PRDM5: variants seen among roughly 807,000 people sequenced by gnomAD.
PRDM5 encodes PR domain zinc finger protein 5.
Under a neutral mutation model 81.2 loss-of-function variants are expected in PRDM5, and 56 were observed. The ratio of observed to expected loss-of-function variants is 0.69; its 90% CI spans 0.56 to 0.86. The LOEUF is 0.86. Among genes scored for constraint, PRDM5 ranks in the 40% least tolerant of loss-of-function variants. The pLI, the probability that PRDM5 is intolerant of heterozygous loss-of-function variation, is 0.00. For missense variants in PRDM5, 697 were observed against 770.1 expected (o/e 0.91, Z 1.12); for synonymous variants, 267 against 256.4 (o/e 1.04, Z -0.39).
chr4:120,715,718 C>T (rs1047074025), intron 14 of PRDM5, among the ~76,000 whole-genome samples: 9 of 152,106 alleles, frequency 5.9e-5, no homozygotes, highest in African/African-American at 2.2e-4. Flanking sequence ...AAAGCTTAAT[C>T]CCTACACTTT....
intron 14 of PRDM5, among the ~76,000 whole-genome samples, chr4:120,722,057 G>A (rs1738692093): frequency 6.6e-6 from 1 of 152,182 alleles, no homozygotes; most frequent in South Asian, 2.1e-4. Flanking sequence ...CACTGCCCCT[G>A]AAGGCAAGGG....
At chr4:120,740,701 T>A (rs149600499) in intron 14 of PRDM5, among the ~76,000 whole-genome samples, 15 of 152,270 alleles carry the variant, frequency 9.9e-5, no homozygotes, top group African/African-American at 3.6e-4. Context: ...CTCACCTGGC[T>A]CCATCGTGTC....
At chr4:120,753,722 A>G (rs1744322082) in intron 14 of PRDM5, among the ~76,000 whole-genome samples, 1 of 152,204 alleles carries the variant, frequency 6.6e-6, no homozygotes, top group African/African-American at 2.4e-5. Context: ...AAAATACATC[A>G]TTTACATACA....
chr4:120,787,303 G>A (rs540622249), intron 10 of PRDM5, among the ~76,000 whole-genome samples: 30 of 152,150 alleles, frequency 2.0e-4, no homozygotes, highest in Non-Finnish European at 4.0e-4. Flanking sequence ...GAGAAGTGGA[G>A]AGATGCAGTC....
At chr4:120,893,782 T>C (rs1245833458) in intron 2 of PRDM5, among the ~76,000 whole-genome samples, 1 of 152,240 alleles carries the variant, frequency 6.6e-6, no homozygotes, top group East Asian at 1.9e-4. Flanking sequence ...TCGAATGTAT[T>C]GACCCTCTTT....
At chr4:120,891,788 C>T (rs1334384993) in intron 2 of PRDM5, among the ~76,000 whole-genome samples, 1 of 152,078 alleles carries the variant, frequency 6.6e-6, no homozygotes, top group African/African-American at 2.4e-5. Context: ...CACCACCATG[C>T]CCAGCTAATT....
chr4:120,757,539 G>A (rs574992720), intron 13 of PRDM5, among the ~76,000 whole-genome samples: 1 of 152,244 alleles, frequency 6.6e-6, no homozygotes, highest in Non-Finnish European at 1.5e-5. Context: ...ATTATTTCTG[G>A]GTCTGTGAGG....
chr4:120,777,247 T>G lies in PRDM5; in HGVS notation c.1478A>C (p.Tyr493Ser). 6.2e-7 allele frequency: 1 copy of G among 1,613,442 alleles called. No individual in the cohort carries two copies. ...ACTGCTGGCAAATTTCTGGCCACAA[T>G]ATGGACAGATTTTCTCCTTTTCTCC... ...HTGEKEKICP[Y>S]CGQKFASSGT... The change falls in exon 13 of 16, where the codon TAT (tyrosine) becomes TCT (serine). Residue 493 changes from tyrosine to serine, a missense_variant. Coordinates refer to ENST00000264808, the MANE Select transcript of PRDM5 (RefSeq NM_018699.4).
chr4:120,733,069 GA>G lies in PRDM5; in HGVS notation c.1623+21483del, dbSNP rs566195024. ...ACAAGACCATTTGTGTGATATAAAA[GA>G]AAAAAGATATGAAAGAAAAATAGGT... is the stretch of plus-strand genomic sequence containing the variant. On this transcript the variant is annotated intron_variant, in intron 14 of 15. Transcript: ENST00000264808. Among the ~76,000 whole-genome samples the G allele has an allele frequency of 1.3e-3, 194 of 152,168 alleles. 1 individual carries two copies. The highest frequency in any genetic ancestry group is 4.5e-3 in the African/African-American group (188 of 41,496).
At chr4:120,843,527 A>AC (rs1758295720) in intron 3 of PRDM5, among the ~76,000 whole-genome samples, 1 of 151,800 alleles carries the variant, frequency 6.6e-6, no homozygotes, top group African/African-American at 2.4e-5. Flanking sequence ...ACAATGCAAG[A>AC]CCCCATCTCT....
chr4:120,817,400 AAAT>A (rs1754672817), intron 5 of PRDM5, among the ~76,000 whole-genome samples: 1 of 152,190 alleles, frequency 6.6e-6, no homozygotes, highest in South Asian at 2.1e-4. Flanking sequence ...AAAAATGTAA[AAAT>A]GTAACATTAA....
chr4:120,922,009 G>A (rs1724993939), intron 1 of PRDM5, among the ~76,000 whole-genome samples: 1 of 152,218 alleles, frequency 6.6e-6, no homozygotes, highest in African/African-American at 2.4e-5. Context: ...TGCGTGGAGC[G>A]GCGCTCTGGG....
Position 120,904,587 on chromosome 4 carries a change from G to C in PRDM5, c.177+2887C>G, listed in dbSNP as rs1025946666. Among the ~76,000 whole-genome samples, 27 of 152,304 alleles carry C rather than the reference G, an allele frequency of 1.8e-4. 1 individual carries two copies. Among genetic ancestry groups the C allele is most frequent in the Admixed American group, 1.3e-3 (20 of 15,290 alleles). On this transcript the variant is annotated intron_variant, in intron 2 of 15. Transcript: ENST00000264808. ...TATAAAATCAATAGCTCCTTGGGTA[G>C]CAGAGTGAGAGAGCTGGAGACAACT...
chr4:120,911,019 C>T (rs369968082), intron 1 of PRDM5, among the ~76,000 whole-genome samples: 1 of 152,304 alleles, frequency 6.6e-6, no homozygotes, highest in African/African-American at 2.4e-5. Context: ...TTTGCAAGAA[C>T]TTTCCTAGAC....
intron 15 of PRDM5, among the ~76,000 whole-genome samples, chr4:120,697,031 C>T (rs150616327): frequency 6.6e-6 from 1 of 152,130 alleles, no homozygotes; most frequent in East Asian, 1.9e-4. Context: ...AGGAAACATG[C>T]AACAGCATAG....
chr4:120,852,370 T>C (rs1318799552), intron 3 of PRDM5, among the ~76,000 whole-genome samples: 1 of 152,142 alleles, frequency 6.6e-6, no homozygotes, highest in Non-Finnish European at 1.5e-5. Flanking sequence ...ATCAGGAGAC[T>C]TGAATAAAGT....
chr4:120,821,930 G>A (rs1279532641), intron 3 of PRDM5, among the ~76,000 whole-genome samples: 11 of 141,688 alleles, frequency 7.8e-5, no homozygotes, highest in Non-Finnish European at 3.0e-5. Context: ...CCACAGAAAT[G>A]ACAGACACGA....
At chr4:120,756,485 TA>T (rs1179891163) in intron 13 of PRDM5, among the ~76,000 whole-genome samples, 1 of 152,196 alleles carries the variant, frequency 6.6e-6, no homozygotes, top group East Asian at 1.9e-4. Context: ...CTGATATATC[TA>T]GAATTTTTCT....
At chr4:120,782,262 C>A (rs1405060874) in intron 11 of PRDM5, among the ~76,000 whole-genome samples, 1 of 152,060 alleles carries the variant, frequency 6.6e-6, no homozygotes, top group Admixed American at 6.6e-5. Context: ...AGAAAACAAT[C>A]ATATTAACAT....
Sources: gnomAD v4.1 joint callset for allele counts (sites outside exome capture counted in the v4.1 genomes callset) on GRCh38, gnomAD v4.1.1 for gene constraint, MANE v1.5 for transcripts, NCBI Gene and HGNC (gene_info 2026-07-23, HGNC 2026-07-21) for gene names.